The following ASB2 variants were observed in gnomAD, a reference collection of about 807,000 sequenced individuals.
The protein encoded by ASB2 is ankyrin repeat and SOCS box containing 2.
ASB2 carries 58 observed loss-of-function variants against 62.4 expected under a neutral mutation model. That is an observed-to-expected ratio of 0.93 (90% confidence interval 0.75 to 1.16). ASB2 has a LOEUF of 1.16. Ranked by LOEUF, ASB2 falls within the 50% of genes most tolerant of loss-of-function variation. The probability of loss-of-function intolerance (pLI) is 0.00; values close to 1 mark genes in which losing one functional copy is unlikely to be tolerated. For missense variants in ASB2, 928 were observed against 887.9 expected (o/e 1.05, Z -0.57); for synonymous variants, 386 against 385.3 (o/e 1.00, Z -0.02).
intron 1 of ASB2, among the ~76,000 whole-genome samples, chr14:93,973,367 C>T (rs1257754008): frequency 1.3e-5 from 2 of 152,090 alleles, no homozygotes. Flanking sequence ...TATTGATGTA[C>T]ATTGAGGATG....
At chr14:93,951,810 C>T (rs937747506) in intron 5 of ASB2, among the ~76,000 whole-genome samples, 1 of 152,236 alleles carries the variant, frequency 6.6e-6, no homozygotes, top group Non-Finnish European at 1.5e-5. Flanking sequence ...GAACTTCCCC[C>T]TGCTCCAGCA....
intron 2 of ASB2, chr14:93,957,133 A>G: frequency 9.7e-7 from 1 of 1,033,702 alleles, no homozygotes; most frequent in Non-Finnish European, 1.3e-6. Context: ...ACCTCACCCC[A>G]CCCCCCGGTC....
intron 5 of ASB2, among the ~76,000 whole-genome samples, chr14:93,952,833 TA>T (rs574848210): frequency 3.7e-4 from 57 of 152,340 alleles, no homozygotes; most frequent in Non-Finnish European, 7.2e-4. Context: ...TGACTCTGGG[TA>T]CTGCTAGGGC....
chr14:93,950,140 C>T (rs1401009971), intron 6 of ASB2, among the ~76,000 whole-genome samples: 4 of 152,150 alleles, frequency 2.6e-5, no homozygotes, highest in African/African-American at 7.2e-5. Flanking sequence ...CATGGGGCTA[C>T]GGGGAAAGCT....
rs144683255 is a variant in ASB2, at chr14:93,947,652, G to A, written c.881-132C>T. ...CGGGACCTTTAACAACGACCCTTAGGAAGGAGGAGTCTACCTGGGGCTACC... is the reference window on the plus strand; with the variant it reads ...CGGGACCTTTAACAACGACCCTTAGAAAGGAGGAGTCTACCTGGGGCTACC... On this transcript the variant is annotated intron_variant, in intron 6 of 9. Transcript: ENST00000555019. The A allele has an allele frequency of 9.7e-4, 833 of 856,056 alleles. 4 individuals carry two copies. The African/African-American group carries it at 0.012, about 13-fold the overall frequency. The allele number at this position is 856,056 out of a possible 1,614,324, so 53.0% of individuals were successfully genotyped here. A position where few individuals can be genotyped will look rare whatever the true frequency, so the allele number is the denominator to read the frequency against.
At chr14:93,958,657 A>C (rs1889308976) in intron 2 of ASB2, among the ~76,000 whole-genome samples, 1 of 152,202 alleles carries the variant, frequency 6.6e-6, no homozygotes, top group South Asian at 2.1e-4. Context: ...CAGCCCTGAC[A>C]GCTGCTGGGT....
intron 5 of ASB2, among the ~76,000 whole-genome samples, chr14:93,952,241 A>G (rs774600039): frequency 6.6e-6 from 1 of 152,246 alleles, no homozygotes; most frequent in African/African-American, 2.4e-5. Flanking sequence ...AGGCATGAGC[A>G]TAGTGCTTGG....
At chr14:93,941,784 G>A (rs1421458507) in intron 7 of ASB2, 3 of 428,204 alleles carry the variant, frequency 7.0e-6, no homozygotes, top group Non-Finnish European at 1.4e-5. Flanking sequence ...ACGAACCAAG[G>A]GAAAGTGGCA....
intron 7 of ASB2, 26 bp downstream of exon 7, chr14:93,947,323 T>C (rs777701607): frequency 1.2e-6 from 2 of 1,612,346 alleles, no homozygotes; most frequent in Non-Finnish European, 1.7e-6. Flanking sequence ...GAGAGCTGCC[T>C]GGGTGCTGGC....
chr14:93,958,618 C>A (rs778666771), intron 2 of ASB2, among the ~76,000 whole-genome samples: 6 of 152,170 alleles, frequency 3.9e-5, no homozygotes, highest in Non-Finnish European at 7.3e-5. Context: ...ATTCAGTGTC[C>A]AACAGATCCC....
In ASB2 at chr14:93,964,581, G is replaced by C; in HGVS notation, c.-42C>G. ...CCCTGGCCTCCAGAACAGACACCCA[G>C]TGGGGAGGAGGGAACAGCAAATCAG... On this transcript the variant is annotated 5_prime_UTR_variant, in exon 2 of 10. Coordinates refer to ENST00000555019, the MANE Select transcript of ASB2 (RefSeq NM_001202429.2). 4 of 1,519,268 alleles carry C rather than the reference G, an allele frequency of 2.6e-6. No homozygotes were observed. The highest frequency in any genetic ancestry group is 3.5e-6 in the Non-Finnish European group (4 of 1,131,912). 94.1% of individuals were successfully genotyped at this position (1,519,268 alleles called of 1,614,324 possible). A position where few individuals can be genotyped will look rare whatever the true frequency, so the allele number is the denominator to read the frequency against.
At chr14:93,961,984 A>G (rs1045604411) in intron 2 of ASB2, among the ~76,000 whole-genome samples, 1 of 152,192 alleles carries the variant, frequency 6.6e-6, no homozygotes, top group African/African-American at 2.4e-5. Flanking sequence ...TGTCGTCTGT[A>G]AAATGGGCAC....
chr14:93,973,708 G>T (rs539792029), intron 1 of ASB2, among the ~76,000 whole-genome samples: 3 of 152,128 alleles, frequency 2.0e-5, no homozygotes, highest in East Asian at 3.9e-4. Flanking sequence ...GCCCCTCCCC[G>T]CATCTGTGTG....
At position 93,939,660 on chromosome 14, in the gene ASB2, C is replaced by T; in HGVS notation, c.1065G>A (p.Met355Ile). The change falls in exon 8 of 10, where the codon ATG becomes ATA. Residue 355 changes from methionine to isoleucine, a missense_variant. Transcript: ENST00000555019. ...SKKGNYRIVQ[M>I]LLPVTSRTRI... ...GCGTGCGGCTGGTCACCGGCAGCAG[C>T]ATCTGCACGATCCTGCCGGGTCGAG... The T allele has an allele frequency of 6.7e-7, 1 of 1,501,546 alleles. No individual in the cohort carries two copies. Among genetic ancestry groups the T allele is most frequent in the East Asian group, 2.5e-5 (1 of 39,370 alleles). 93.0% of individuals were successfully genotyped at this position (1,501,546 alleles called of 1,614,324 possible).
At position 93,934,701 on chromosome 14, in the gene ASB2, G is replaced by A; in HGVS notation, c.1863C>T (p.Leu621=). 6.2e-7 allele frequency: 1 copy of A among 1,614,180 alleles called. No homozygotes were observed. The highest frequency in any genetic ancestry group is 8.5e-7 in the Non-Finnish European group (1 of 1,180,002). Residue 621 remains leucine (L), a synonymous_variant, in exon 10 of 10, where the codon CTC becomes CTT. Coordinates refer to ENST00000555019, the MANE Select transcript of ASB2 (RefSeq NM_001202429.2). Reference sequence around the variant, plus strand: ...TCAGGTATCTAATCAGCCTGCCTGGGAGCGGCAAGGTGTCTAGGAGTTTTA... The same window carrying A: ...TCAGGTATCTAATCAGCCTGCCTGGAAGCGGCAAGGTGTCTAGGAGTTTTA... ...YRIKLLDTLP[L]PGRLIRYLKY...
At chr14:93,970,239 G>C (rs1889723112) in intron 1 of ASB2, among the ~76,000 whole-genome samples, 2 of 152,202 alleles carry the variant, frequency 1.3e-5, no homozygotes, top group Non-Finnish European at 1.5e-5. Context: ...GGGCCAAGAA[G>C]GAGGCTGGCA....
intron 2 of ASB2, chr14:93,957,103 A>G (rs990205276): frequency 1.4e-6 from 2 of 1,420,952 alleles, no homozygotes; most frequent in African/African-American, 1.4e-5. Context: ...AAATGACCAT[A>G]TAAGACAACA....
At chr14:93,952,368 G>T (rs1211703983) in intron 5 of ASB2, among the ~76,000 whole-genome samples, 2 of 152,242 alleles carry the variant, frequency 1.3e-5, no homozygotes, top group African/African-American at 4.8e-5. Flanking sequence ...CGCCCTGGCA[G>T]GCACGGATTC....
intron 7 of ASB2, chr14:93,940,466 G>A (rs1001883855): frequency 6.6e-6 from 1 of 152,226 alleles, no homozygotes; most frequent in African/African-American, 2.4e-5. Flanking sequence ...GACCCCAGTG[G>A]AGCCACGAGA....
Sources: gnomAD v4.1 joint callset for allele counts (sites outside exome capture counted in the v4.1 genomes callset) on GRCh38, gnomAD v4.1.1 for gene constraint, MANE v1.5 for transcripts, NCBI Gene and HGNC (gene_info 2026-07-23, HGNC 2026-07-21) for gene names.